Variants in IGF2R observed in about 807,000 individuals in gnomAD.
IGF2R encodes insulin like growth factor 2 receptor.
In IGF2R, 91 loss-of-function variants were observed where a neutral mutation model predicts 270.6. The ratio of observed to expected loss-of-function variants is 0.34; its 90% CI spans 0.28 to 0.40. The LOEUF is 0.40. Ranked by LOEUF, IGF2R falls within the 10% of genes least tolerant of loss-of-function variation. The probability of loss-of-function intolerance (pLI) is 1.00; values close to 1 mark genes in which losing one functional copy is unlikely to be tolerated. For synonymous variants in IGF2R, 1,316 were observed against 1,258.9 expected (o/e 1.05, Z -0.96); for missense variants, 2,805 against 3,188.3 (o/e 0.88, Z 2.90).
At chr6:160,059,176 G>A (rs1434969919) in intron 22 of IGF2R, 78 bp downstream of exon 22, 1 of 1,222,394 alleles carries the variant, frequency 8.2e-7, no homozygotes, top group Non-Finnish European at 1.2e-6. Flanking sequence ...CTTCCTGAGT[G>A]TAGGATGTGC....
chr6:160,072,236 G>C (rs1035324853), intron 32 of IGF2R, among the ~76,000 whole-genome samples, 200 bp downstream of exon 32: 1 of 152,154 alleles, frequency 6.6e-6, no homozygotes, highest in South Asian at 2.1e-4. Context: ...CAGTGGAGGA[G>C]AGAATGCTCC....
At chr6:160,101,822 G>A (rs186799963) in intron 45 of IGF2R, among the ~76,000 whole-genome samples, 6 of 152,364 alleles carry the variant, frequency 3.9e-5, no homozygotes, top group Admixed American at 2.6e-4. Flanking sequence ...CTGCTTGAGT[G>A]TTCGATGTCA....
intron 2 of IGF2R, among the ~76,000 whole-genome samples, chr6:159,995,227 AGTCTCTTTTATCTAAATGT>A (rs1188165024): frequency 7.2e-5 from 11 of 151,988 alleles, no homozygotes; most frequent in African/African-American, 2.2e-4. Context: ...TTGACTTAAA[AGTCTCTTTTATCTAAATGT>A]TGCTTCTCCC....
At chr6:160,046,364 T>A (rs1415563913) in intron 14 of IGF2R, 134 bp from the exon 15 acceptor site, 1 of 798,710 alleles carries the variant, frequency 1.3e-6, no homozygotes, top group Non-Finnish European at 1.9e-6. Flanking sequence ...CAGCGTCTCT[T>A]CTGCCTCCTC....
chr6:160,020,736 A>G (rs1244504060), intron 4 of IGF2R, among the ~76,000 whole-genome samples: 1 of 152,250 alleles, frequency 6.6e-6, no homozygotes, highest in Non-Finnish European at 1.5e-5. Flanking sequence ...AAAACTGGAC[A>G]GCCATATGCG....
intron 19 of IGF2R, among the ~76,000 whole-genome samples, chr6:160,055,956 A>G (rs1237184307): frequency 6.6e-6 from 1 of 152,188 alleles, no homozygotes. Context: ...ACATCAAGAA[A>G]GAACATGCTT....
intron 30 of IGF2R, among the ~76,000 whole-genome samples, chr6:160,068,904 T>C (rs1239830383): frequency 6.6e-6 from 1 of 152,196 alleles, no homozygotes; most frequent in Non-Finnish European, 1.5e-5. Flanking sequence ...GTGTTAACAG[T>C]TGATCCCTAG....
intron 10 of IGF2R, among the ~76,000 whole-genome samples, chr6:160,035,380 C>T (rs117874492): frequency 1.0e-3 from 152 of 152,342 alleles, no homozygotes; most frequent in Non-Finnish European, 1.5e-3. Context: ...GAGGGAGAGG[C>T]AGCTGGACAT....
At chr6:160,057,192 G>A (rs544230077) in intron 20 of IGF2R, among the ~76,000 whole-genome samples, 1 of 152,236 alleles carries the variant, frequency 6.6e-6, no homozygotes, top group African/African-American at 2.4e-5. Flanking sequence ...TGTGCCACTT[G>A]AGTCTCTCAG....
At chr6:160,024,312 C>T (rs1048074949) in intron 4 of IGF2R, among the ~76,000 whole-genome samples, 2 of 152,040 alleles carry the variant, frequency 1.3e-5, no homozygotes, top group Admixed American at 6.5e-5. Flanking sequence ...GGAAACGATC[C>T]AGTGGAGAGG....
chr6:160,036,108 C>T (rs1777818457), intron 10 of IGF2R, among the ~76,000 whole-genome samples: 1 of 152,174 alleles, frequency 6.6e-6, no homozygotes, highest in African/African-American at 2.4e-5. Context: ...GTATGTCCTG[C>T]AGAGGAGCTG....
In IGF2R at chr6:159,969,459, G is replaced by A. The variant is rs1342321435; in HGVS notation, c.149+64G>A. 6 of 1,119,794 alleles carry A rather than the reference G, an allele frequency of 5.4e-6. No homozygotes were observed. In the African/African-American group the frequency reaches 8.3e-5, roughly 15 times the overall value. 69.4% of individuals were successfully genotyped at this position (1,119,794 alleles called of 1,614,324 possible). A position where few individuals can be genotyped will look rare whatever the true frequency, so the allele number is the denominator to read the frequency against. The stretch of plus-strand genomic sequence containing the variant: ...CCCGGGGTGAGCGGCCGGCGTGGGG[G>A]GCGGGGAGCGCTCGAGGAGCTCCTG... On this transcript the variant is annotated intron_variant, in intron 1 of 47. Coordinates refer to ENST00000356956, the MANE Select transcript of IGF2R (RefSeq NM_000876.4).
Position 160,050,557 on chromosome 6 carries a change from CTGGAATACGTGAA to C in IGF2R, c.2603_2615del (p.Glu868GlyfsTer27). On this transcript the variant is annotated frameshift_variant, in exon 19 of 48. Transcript: ENST00000356956. LOFTEE classifies it high-confidence loss of function. This position sits in a 1 kb window ranked among gnomAD's most constrained non-coding sequence, Gnocchi z 4.0. ...GGTTGAGGACAGCGGCAGCCTCCTT[CTGGAATACGTGAA>C]TGGGTCGGCCTGCACCACCAGCGAT... is the stretch of plus-strand genomic sequence containing the variant. 6.2e-7 allele frequency: 1 copy of C among 1,614,164 alleles called. No homozygotes were observed. The highest frequency in any genetic ancestry group is 8.5e-7 in the Non-Finnish European group (1 of 1,180,012).
chr6:160,063,712 C>A, intron 27 of IGF2R, 82 bp downstream of exon 27: 1 of 1,032,024 alleles, frequency 9.7e-7, no homozygotes, highest in South Asian at 1.6e-5. Context: ...TGAATTTTCC[C>A]TTGAGTCAGA....
In IGF2R at chr6:160,062,694, T is replaced by C. The variant is rs1486148621; in HGVS notation, c.3670+75T>C. 22 of 1,003,900 alleles carry C rather than the reference T, an allele frequency of 2.2e-5. No individual in the cohort carries two copies. In the Admixed American group the frequency reaches 4.4e-4, roughly 20 times the overall value. The allele number at this position is 1,003,900 out of a possible 1,614,324, so 62.2% of individuals were successfully genotyped here. Reference sequence around the variant, plus strand: ...GACGTTCTGAACGATGCCTTAGATATGAGACCGTGTGATAACAGCCATAGC... The same window carrying C: ...GACGTTCTGAACGATGCCTTAGATACGAGACCGTGTGATAACAGCCATAGC... On this transcript the variant is annotated intron_variant, in intron 26 of 47. Coordinates refer to ENST00000356956, the MANE Select transcript of IGF2R (RefSeq NM_000876.4).
rs1409296479 is a variant in IGF2R, at chr6:160,068,435, G to A, written c.4252+50G>A. ...TGGTGTTTGCAGTGAGTGTATCACA[G>A]GCCAGCACTGGTGAGAGGGGGCCTC... On this transcript the variant is annotated intron_variant, in intron 30 of 47. Transcript: ENST00000356956. 4 of 1,605,696 alleles carry A rather than the reference G, an allele frequency of 2.5e-6. No homozygotes were observed. The African/African-American group carries it at 4.0e-5, about 16-fold the overall frequency.
intron 33 of IGF2R, 104 bp downstream of exon 33, chr6:160,072,988 AGCTGAGAC>A: frequency 6.7e-7 from 1 of 1,487,910 alleles, no homozygotes. Context: ...AGAGCCAGGA[AGCTGAGAC>A]GCTTTTGTCT....
At chr6:160,075,537 T>G (rs186809469) in intron 35 of IGF2R, among the ~76,000 whole-genome samples, 4 of 152,338 alleles carry the variant, frequency 2.6e-5, no homozygotes, top group African/African-American at 9.6e-5. Flanking sequence ...ATGGGAGGAC[T>G]CTGTAGTCTC....
chr6:160,085,908 C>T (rs990962787), intron 41 of IGF2R, among the ~76,000 whole-genome samples: 6 of 152,234 alleles, frequency 3.9e-5, no homozygotes, highest in African/African-American at 1.4e-4. Flanking sequence ...CTGAGACCCG[C>T]CCTCCCTGGG....
Sources: gnomAD v4.1 joint callset for allele counts (sites outside exome capture counted in the v4.1 genomes callset) on GRCh38, gnomAD v4.1.1 for gene constraint, Gnocchi (gnomAD v3.1) non-coding constraint, MANE v1.5 for transcripts, NCBI Gene and HGNC (gene_info 2026-07-23, HGNC 2026-07-21) for gene names.